The following SLCO1B1 variants were observed in gnomAD, a reference collection of about 807,000 sequenced individuals.
SLCO1B1 encodes OATP-2.
SLCO1B1 carries 81 observed loss-of-function variants against 70.1 expected under a neutral mutation model. The ratio of observed to expected loss-of-function variants is 1.16; its 90% CI spans 0.97 to 1.39. The LOEUF (loss-of-function observed/expected upper bound fraction) is 1.39, where lower values mean the gene tolerates loss of function less well. Among genes scored for constraint, SLCO1B1 ranks in the 40% most tolerant of loss-of-function variants. The pLI is 0.00. For missense variants in SLCO1B1, 895 were observed against 799.6 expected (o/e 1.12, Z -1.44); for synonymous variants, 283 against 271.5 (o/e 1.04, Z -0.42).
At chr12:21,154,441 A>G (rs1238939960) in intron 2 of SLCO1B1, among the ~76,000 whole-genome samples, 1 of 152,134 alleles carries the variant, frequency 6.6e-6, no homozygotes, top group African/African-American at 2.4e-5. Flanking sequence ...CAGGCTCCAG[A>G]GCTGCAAAAA....
chr12:21,162,392 A>T (rs1001643136), intron 2 of SLCO1B1, among the ~76,000 whole-genome samples: 11 of 152,130 alleles, frequency 7.2e-5, no homozygotes, highest in African/African-American at 2.4e-4. Context: ...ACTTCAAAAA[A>T]TTTTTCAACT....
At chr12:21,137,268 C>T (rs1002512087) in intron 1 of SLCO1B1, among the ~76,000 whole-genome samples, 3 of 152,188 alleles carry the variant, frequency 2.0e-5, no homozygotes, top group Non-Finnish European at 2.9e-5. Context: ...AGTTAGGCTA[C>T]TCGGGGGTCA....
intron 7 of SLCO1B1, among the ~76,000 whole-genome samples, chr12:21,187,282 AC>A (rs1940973464): frequency 6.6e-6 from 1 of 152,156 alleles, no homozygotes; most frequent in South Asian, 2.1e-4. Context: ...ATAAAAATCA[AC>A]TGCTAGTCTT....
intron 12 of SLCO1B1, among the ~76,000 whole-genome samples, chr12:21,219,762 T>C (rs1941400580): frequency 6.6e-6 from 1 of 152,136 alleles, no homozygotes; most frequent in Non-Finnish European, 1.5e-5. Context: ...TTTTATTATA[T>C]TTATTTATTT....
At chr12:21,191,971 A>G (rs1565677927) in intron 7 of SLCO1B1, among the ~76,000 whole-genome samples, 1 of 152,044 alleles carries the variant, frequency 6.6e-6, no homozygotes, top group Admixed American at 6.6e-5. Flanking sequence ...TCCCCCTTGA[A>G]TATAGTGTAG....
intron 14 of SLCO1B1, among the ~76,000 whole-genome samples, chr12:21,238,314 A>G (rs1941614557): frequency 6.6e-6 from 1 of 152,084 alleles, no homozygotes; most frequent in African/African-American, 2.4e-5. Flanking sequence ...TTTTATTTTT[A>G]TACTTACATT....
chr12:21,172,949 G>A (rs111369535), intron 3 of SLCO1B1, among the ~76,000 whole-genome samples, 158 bp downstream of exon 3: 43 of 152,272 alleles, frequency 2.8e-4, no homozygotes, highest in African/African-American at 1.0e-3. Flanking sequence ...AGGGGTTGGG[G>A]GCAATGGAAG....
chr12:21,152,251 G>A (rs1245118570), intron 2 of SLCO1B1, among the ~76,000 whole-genome samples: 3 of 151,734 alleles, frequency 2.0e-5, no homozygotes, highest in Non-Finnish European at 4.4e-5. Flanking sequence ...TTATCTGTCT[G>A]CTTACATTGC....
chr12:21,182,893 C>A (rs757587693), intron 7 of SLCO1B1, among the ~76,000 whole-genome samples: 1 of 152,160 alleles, frequency 6.6e-6, no homozygotes, highest in Non-Finnish European at 1.5e-5. Context: ...ATTTCATAGG[C>A]CCAGTCCAGG....
chr12:21,201,238 T>C (rs111358948), intron 9 of SLCO1B1, among the ~76,000 whole-genome samples: 2,518 of 152,214 alleles, frequency 0.017, 67 homozygotes, highest in African/African-American at 0.057. Context: ...AGACACATTA[T>C]AGAAATTCAA....
Position 21,206,552 on chromosome 12 carries a change from G to A in SLCO1B1, c.1497+519G>A, listed in dbSNP as rs368517091. On this transcript the variant is annotated intron_variant, in intron 11 of 14. Coordinates refer to ENST00000256958, the MANE Select transcript of SLCO1B1 (RefSeq NM_006446.5). ...ATCAAGGCTTCATGCTCACTTGACT[G>A]CCCTATTCTTGATTTTCTATTTTGA... Among the ~76,000 whole-genome samples the A allele has an allele frequency of 1.3e-3, 199 of 151,894 alleles. 4 individuals are homozygous for A. The South Asian group carries it at 0.04, about 30-fold the overall frequency.
chr12:21,199,192 T>G (rs1941129163), intron 8 of SLCO1B1, among the ~76,000 whole-genome samples: 1 of 152,172 alleles, frequency 6.6e-6, no homozygotes, highest in Admixed American at 6.6e-5. Flanking sequence ...TCTGACCATA[T>G]CTAATGAAAA....
chr12:21,204,156 A>G (rs528584351), intron 10 of SLCO1B1, among the ~76,000 whole-genome samples: 1 of 152,066 alleles, frequency 6.6e-6, no homozygotes, highest in East Asian at 1.9e-4. Context: ...TTAAGTATGA[A>G]TTATTGCAGA....
At chr12:21,194,443 G>A (rs1036336392) in intron 7 of SLCO1B1, among the ~76,000 whole-genome samples, 1 of 151,588 alleles carries the variant, frequency 6.6e-6, no homozygotes, top group East Asian at 1.9e-4. Flanking sequence ...TTTTGGGGGG[G>A]TTGTTTTGTT....
chr12:21,174,186 A>G (rs962664008), intron 3 of SLCO1B1, among the ~76,000 whole-genome samples: 1 of 152,082 alleles, frequency 6.6e-6, no homozygotes, highest in Non-Finnish European at 1.5e-5. Flanking sequence ...TAACTTTCTT[A>G]TTTCTGGCTC....
intron 14 of SLCO1B1, among the ~76,000 whole-genome samples, chr12:21,236,767 C>T (rs1591753635): frequency 6.6e-6 from 1 of 152,128 alleles, no homozygotes; most frequent in African/African-American, 2.4e-5. Context: ...TTATTTGGTA[C>T]TTCTTTATTC....
chr12:21,135,760 T>C (rs952710186), intron 1 of SLCO1B1, among the ~76,000 whole-genome samples: 2 of 152,184 alleles, frequency 1.3e-5, no homozygotes, highest in South Asian at 2.1e-4. Flanking sequence ...CTGACTACAG[T>C]GCACTGATTG....
chr12:21,141,506 C>T lies in SLCO1B1; in HGVS notation c.-61-8C>T, dbSNP rs1372402548. 2.2e-6 allele frequency: 2 copies of T among 895,724 alleles called. No homozygotes were observed. The highest frequency in any genetic ancestry group is 1.7e-5 in the Admixed American group (1 of 57,518). 55.5% of individuals were successfully genotyped at this position (895,724 alleles called of 1,614,324 possible). On this transcript the variant is annotated splice_polypyrimidine_tract_variant and splice_region_variant and intron_variant, in intron 1 of 14. Transcript: ENST00000256958. ...ATAAAATAAACTATACTTTTTCTTC[C>T]TTAATAGGTGATTGTTTCAAACTGA...
At position 21,167,661 on chromosome 12, in the gene SLCO1B1, T is replaced by C. The variant is rs367985633; in HGVS notation, c.85-4989T>C. ...TTAAAAAGTGTAAAGTACACTCACATTGATGAACAACAGATCTCTTGAACT... is the reference window on the plus strand; with the variant it reads ...TTAAAAAGTGTAAAGTACACTCACACTGATGAACAACAGATCTCTTGAACT... On this transcript the variant is annotated intron_variant, in intron 2 of 14. Coordinates refer to ENST00000256958, the MANE Select transcript of SLCO1B1 (RefSeq NM_006446.5). 3.4e-4 allele frequency among the ~76,000 whole-genome samples: 52 copies of C among 152,266 alleles called. 1 individual carries two copies. In the South Asian group the frequency reaches 0.01, roughly 30 times the overall value.
Sources: gnomAD v4.1 joint callset for allele counts (sites outside exome capture counted in the v4.1 genomes callset) on GRCh38, gnomAD v4.1.1 for gene constraint, MANE v1.5 for transcripts, NCBI Gene and HGNC (gene_info 2026-07-23, HGNC 2026-07-21) for gene names.